Variants in CTSB observed in about 807,000 individuals in gnomAD.
The protein encoded by CTSB is cathepsin B.
CTSB carries 57 observed loss-of-function variants against 44.3 expected under a neutral mutation model. That is an observed-to-expected ratio of 1.29 (90% CI 1.04 to 1.60). The LOEUF is 1.60. Among genes scored for constraint, CTSB ranks in the 40% most tolerant of loss-of-function variants. The probability of loss-of-function intolerance (pLI) is 0.00; values close to 1 mark genes in which losing one functional copy is unlikely to be tolerated. For missense variants in CTSB, 768 were observed against 443.0 expected, an observed-to-expected ratio of 1.73 and a Z score of -6.59; for synonymous variants, 320 against 168.0, an observed-to-expected ratio of 1.91 and a Z score of -7.00.
Position 11,847,836 on chromosome 8 carries a change from G to T in CTSB, c.533-14C>A. 1 of 1,573,974 alleles carries T rather than the reference G, an allele frequency of 6.4e-7. No individual in the cohort carries two copies. Among genetic ancestry groups the T allele is most frequent in the African/African-American group, 1.4e-5 (1 of 70,544 alleles). ...ACGGTCTGCACCCTGATGGGACGCG[G>T]GAGAAAGCGGAGTCAACCTACAGCC... On this transcript the variant is annotated splice_polypyrimidine_tract_variant and intron_variant, in intron 6 of 9. Transcript: ENST00000353047.
intron 1 of CTSB, among the ~76,000 whole-genome samples, chr8:11,863,849 T>G (rs1272410971): frequency 6.6e-6 from 1 of 152,144 alleles, no homozygotes; most frequent in Non-Finnish European, 1.5e-5. Flanking sequence ...GCAACCACAC[T>G]GGAGAACCCT....
At chr8:11,857,795 C>A in intron 1 of CTSB, 1 of 152,980 alleles carries the variant, frequency 6.5e-6, no homozygotes, top group Non-Finnish European at 1.5e-5. Flanking sequence ...GCTGCCAGCC[C>A]CAGGGCCCAG....
Position 11,845,642 on chromosome 8 carries a change from G to C in CTSB, c.922+19C>G, listed in dbSNP as rs764992236. 5 of 1,609,918 alleles carry C rather than the reference G, an allele frequency of 3.1e-6. No homozygotes were observed. The highest frequency in any genetic ancestry group is 2.5e-6 in the Non-Finnish European group (3 of 1,177,080). Reference sequence around the variant, plus strand: ...GCTCACAATTCACTGTTCTTGGCAGGAAGGGGGCAGCCACTCACCATTGTC... The same window carrying C: ...GCTCACAATTCACTGTTCTTGGCAGCAAGGGGGCAGCCACTCACCATTGTC... On this transcript the variant is annotated intron_variant, in intron 9 of 9. Transcript: ENST00000353047.
Position 11,847,716 on chromosome 8 carries a change from A to G in CTSB, c.639T>C (p.Pro213=), listed in dbSNP as rs1813673393. Residue 213 remains proline (P), a synonymous_variant, in exon 7 of 10, where the codon CCT becomes CCC. Transcript: ENST00000353047. ...DTPKCSKICE[P]GYSPTYKQDK... is the part of the protein sequence containing the mutation. ...CCTGTTTGTAGGTCGGGCTGTAGCCAGGCTCACAGATCTTGCTACACTTGG... is the reference window on the plus strand; with the variant it reads ...CCTGTTTGTAGGTCGGGCTGTAGCCGGGCTCACAGATCTTGCTACACTTGG... 1 of 1,592,516 alleles carries G rather than the reference A, an allele frequency of 6.3e-7. No individual in the cohort carries two copies. Among genetic ancestry groups the G allele is most frequent in the East Asian group, 2.3e-5 (1 of 44,438 alleles).
rs892663637 is a variant in CTSB, at chr8:11,845,020, C to G, written c.*105G>C. 3.9e-6 allele frequency: 3 copies of G among 770,158 alleles called. No individual in the cohort carries two copies. In the South Asian group the frequency reaches 4.7e-5, roughly 12 times the overall value. 47.7% of individuals were successfully genotyped at this position (770,158 alleles called of 1,614,324 possible). Reference sequence around the variant, plus strand: ...AGGTCTGATGTTTGGCCAATCCAGTCCTTCAGACCCTGTCTGAAACTTGTA... The same window carrying G: ...AGGTCTGATGTTTGGCCAATCCAGTGCTTCAGACCCTGTCTGAAACTTGTA... On this transcript the variant is annotated 3_prime_UTR_variant, in exon 10 of 10. Coordinates refer to ENST00000353047, the MANE Select transcript of CTSB (RefSeq NM_001908.5).
chr8:11,859,403 A>T (rs1816027382), intron 1 of CTSB, among the ~76,000 whole-genome samples: 2 of 152,232 alleles, frequency 1.3e-5, no homozygotes, highest in South Asian at 4.1e-4. Context: ...CGGCTAAGTC[A>T]CAGGAGGTGT....
intron 3 of CTSB, 69 bp from the exon 4 acceptor site, chr8:11,851,049 A>T: frequency 4.4e-6 from 5 of 1,148,772 alleles, no homozygotes; most frequent in Non-Finnish European, 6.4e-6. Context: ...TGCAAAGGCC[A>T]CTTTGGCTGG....
rs541569358 is a variant in CTSB, at chr8:11,848,993, G to C, written c.446+53C>G. 9.4e-5 allele frequency: 127 copies of C among 1,355,898 alleles called. No homozygotes were observed. In the African/African-American group the frequency reaches 1.5e-3, roughly 16 times the overall value. 84.0% of individuals were successfully genotyped at this position (1,355,898 alleles called of 1,614,324 possible). On this transcript the variant is annotated intron_variant, in intron 5 of 9. Transcript: ENST00000353047. ...CAAAGTCCCCTCCACTGAGAAGCTGGGGCCCAGGGTCTCTCAGCACTAAAC... is the reference window on the plus strand; with the variant it reads ...CAAAGTCCCCTCCACTGAGAAGCTGCGGCCCAGGGTCTCTCAGCACTAAAC...
rs1209805293 is a variant in CTSB at position 11,850,863 on chromosome 8, T to C, written c.327+3A>G. The C allele has an allele frequency of 6.2e-7, 1 of 1,606,224 alleles. No individual in the cohort carries two copies. On this transcript the variant is annotated splice_donor_region_variant and intron_variant, in intron 4 of 9. Transcript: ENST00000353047. ...GCTTCCCCGCCAGCCAGCAGGGCCTTACCCAGCAGGAGCCACAGGAGCCCT... is the reference window on the plus strand; with the variant it reads ...GCTTCCCCGCCAGCCAGCAGGGCCTCACCCAGCAGGAGCCACAGGAGCCCT...
intron 8 of CTSB, 111 bp downstream of exon 8, chr8:11,846,941 G>T: frequency 1.4e-6 from 1 of 725,278 alleles, no homozygotes; most frequent in Non-Finnish European, 2.5e-6. Flanking sequence ...CTCTTCCCCA[G>T]CCCCTCACCT....
At chr8:11,862,488 AT>A (rs1816581237) in intron 1 of CTSB, 2 of 152,212 alleles carry the variant, frequency 1.3e-5, no homozygotes, top group African/African-American at 4.8e-5. Flanking sequence ...CCTAATTTGG[AT>A]GAAAAATAAT....
Position 11,850,972 on chromosome 8 carries a change from A to G in CTSB, c.221T>C (p.Phe74Ser). The change falls in exon 4 of 10, where the codon TTT becomes TCT. Residue 74 changes from phenylalanine to serine, a missense_variant. Phe to Ser is a radical substitution (Grantham distance 155). Coordinates refer to ENST00000353047, the MANE Select transcript of CTSB (RefSeq NM_001908.5). ...TGCAGGCAGCTTCAGGTCCTCGGTA[A>G]ACATAACTCTGGATAAAGGAAGGTC... ...GGPKPPQRVMFTEDLKLPASF... is the reference protein window; with the variant it reads ...GGPKPPQRVMSTEDLKLPASF... 6.2e-7 allele frequency: 1 copy of G among 1,611,704 alleles called. No individual in the cohort carries two copies. Among genetic ancestry groups the G allele is most frequent in the South Asian group, 1.1e-5 (1 of 90,830 alleles).
Position 11,855,183 on chromosome 8 carries a change from A to G in CTSB, c.-25-1704T>C, listed in dbSNP as rs537247236. 3.9e-5 allele frequency among the ~76,000 whole-genome samples: 6 copies of G among 152,236 alleles called. No individual in the cohort carries two copies. The East Asian group carries it at 1.2e-3, about 30-fold the overall frequency. ...ATTACAGGCATGTGCCATCATGCCC[A>G]GCTAATTTTCATATTTTTAGTAAAG... On this transcript the variant is annotated intron_variant, in intron 1 of 9. Transcript: ENST00000353047.
At chr8:11,847,879 G>T in intron 6 of CTSB, 57 bp from the exon 7 acceptor site, 1 of 1,540,768 alleles carries the variant, frequency 6.5e-7, no homozygotes. Context: ...AGAAGACCTG[G>T]GGCAAGGCAA....
In CTSB at chr8:11,847,785, G is replaced by A. The variant is rs533996056; in HGVS notation, c.570C>T (p.His190=). The change falls in exon 7 of 10, where the codon CAC becomes CAT. Residue 190 remains histidine, a synonymous_variant. Transcript: ENST00000353047. ...TGCATGGGGGCCGGGAGCCGTTGACGTGGTGCTCACAGGGAGGGATGGAGT... is the reference window on the plus strand; with the variant it reads ...TGCATGGGGGCCGGGAGCCGTTGACATGGTGCTCACAGGGAGGGATGGAGT... The part of the protein sequence containing the change: ...RPYSIPPCEH[H]VNGSRPPCTG... 35 of 1,598,586 alleles carry A rather than the reference G, an allele frequency of 2.2e-5. No individual in the cohort carries two copies. The highest frequency in any genetic ancestry group is 1.6e-4 in the South Asian group (14 of 88,842).
chr8:11,860,793 G>A (rs528018382), intron 1 of CTSB, among the ~76,000 whole-genome samples: 2 of 152,184 alleles, frequency 1.3e-5, no homozygotes, highest in Non-Finnish European at 2.9e-5. Context: ...AGAGTACTTT[G>A]TTTCTTTCTC....
chr8:11,848,425 G>C (rs571959745), intron 5 of CTSB: 28 of 576,570 alleles, frequency 4.9e-5, no homozygotes, highest in Non-Finnish European at 8.8e-5. Context: ...ACCAGGCTAC[G>C]AGTGCCCTTC....
intron 1 of CTSB, among the ~76,000 whole-genome samples, chr8:11,856,342 A>T (rs1815503543): frequency 6.6e-6 from 1 of 152,182 alleles, no homozygotes; most frequent in African/African-American, 2.4e-5. Context: ...TTAAAAAAGC[A>T]ATTAGTTGGT....
chr8:11,863,476 C>A (rs1293305), intron 1 of CTSB, among the ~76,000 whole-genome samples: 148,785 of 152,162 alleles, frequency 0.98, 72,820 homozygotes, highest in East Asian at 1. Context: ...AACAAAAAAA[C>A]CCAGCAAATA....
Sources: gnomAD v4.1 joint callset for allele counts (sites outside exome capture counted in the v4.1 genomes callset) on GRCh38, gnomAD v4.1.1 for gene constraint, MANE v1.5 for transcripts, NCBI Gene and HGNC (gene_info 2026-07-23, HGNC 2026-07-21) for gene names.